Variants in TRMT5 observed in about 807,000 individuals in gnomAD.
TRMT5 encodes tRNA methyltransferase 5.
Under a neutral mutation model 42.2 loss-of-function variants are expected in TRMT5, and 31 were observed. The observed-to-expected ratio is 0.73, with a 90% CI of 0.55 to 0.99. The LOEUF (loss-of-function observed/expected upper bound fraction) is 0.99. Ranked by LOEUF, TRMT5 falls within the 50% of genes least tolerant of loss-of-function variation. The pLI, the probability that TRMT5 is intolerant of heterozygous loss-of-function variation, is 0.00. For synonymous variants in TRMT5, 198 were observed against 209.6 expected, an observed-to-expected ratio of 0.94 and a Z score of 0.48; for missense variants, 568 against 595.0, an observed-to-expected ratio of 0.95 and a Z score of 0.47.
In TRMT5 at chr14:60,973,181, T is replaced by C. The variant is rs1376787803; in HGVS notation, c.*1928A>G. ...ATCGATTGTCAAAATGACTGTACCA[T>C]ATCAAAGTTGTTTTGCCTTGTGTTT... is the stretch of plus-strand genomic sequence containing the variant. On this transcript the variant is annotated 3_prime_UTR_variant, in exon 5 of 5. Transcript: ENST00000261249. 1 of 152,238 alleles carries C rather than the reference T, an allele frequency of 6.6e-6. No homozygotes were observed. The highest frequency in any genetic ancestry group is 2.4e-5 in the African/African-American group (1 of 41,456). 9.4% of individuals were successfully genotyped at this position (152,238 alleles called of 1,614,324 possible).
rs2036972698 is a variant in TRMT5 at position 60,981,078 on chromosome 14, A to G, written c.-105T>C. On this transcript the variant is annotated 5_prime_UTR_variant, in exon 1 of 5. Coordinates refer to ENST00000261249, the MANE Select transcript of TRMT5 (RefSeq NM_020810.3). ...TCGCGGGTGGATGGGCGGGTCTTCTATGACATCATCACTGTTCGCCGCGAA... is the reference window on the plus strand; with the variant it reads ...TCGCGGGTGGATGGGCGGGTCTTCTGTGACATCATCACTGTTCGCCGCGAA... 1 of 1,604,140 alleles carries G rather than the reference A, an allele frequency of 6.2e-7. No individual in the cohort carries two copies. The highest frequency in any genetic ancestry group is 1.3e-5 in the African/African-American group (1 of 74,800).
At position 60,975,813 on chromosome 14, in the gene TRMT5, A is replaced by G; in HGVS notation, c.1106T>C (p.Met369Thr). Residue 369 changes from methionine to threonine, a missense_variant, in exon 4 of 5, where the codon ATG becomes ACG. Transcript: ENST00000261249. ...FLQGPVKEEL[M>T]QLLGLSKERK... ...TTCTTTTGACAGACCCAGCAGCTGC[A>G]TTAACTCTTCTTTGACTGGTCCTTG... is the stretch of plus-strand genomic sequence containing the variant. 5 of 1,614,234 alleles carry G rather than the reference A, an allele frequency of 3.1e-6. No homozygotes were observed. The highest frequency in any genetic ancestry group is 1.1e-5 in the South Asian group (1 of 91,086).
intron 3 of TRMT5, 109 bp from the exon 4 acceptor site, chr14:60,976,235 T>G: frequency 7.8e-7 from 1 of 1,280,388 alleles, no homozygotes; most frequent in Non-Finnish European, 1.1e-6. Context: ...ACATTTAAGT[T>G]TACTACTGTA....
chr14:60,979,370 T>C lies in TRMT5; in HGVS notation c.528A>G (p.Thr176=), dbSNP rs982207544. 3.1e-6 allele frequency: 5 copies of C among 1,614,196 alleles called. No homozygotes were observed. The highest frequency in any genetic ancestry group is 2.2e-5 in the East Asian group (1 of 44,884). ...TTTCTTCTGACTTAAAGTGTTCATA[T>C]GTTAGTTCCAAATTGTATTTAGAGA... ...PQISKYNLEL[T]YEHFKSEEIL... Residue 176 remains threonine (T), a synonymous_variant, in exon 2 of 5, where the codon ACA becomes ACG. Transcript: ENST00000261249.
At position 60,975,062 on chromosome 14, in the gene TRMT5, T is replaced by A. The variant is rs2036823669; in HGVS notation, c.*47A>T. ...ATTTTATTAAATAATACAAATTCTA[T>A]TTCACTACATGTAAGTCTGGTAGGG... On this transcript the variant is annotated 3_prime_UTR_variant, in exon 5 of 5. Transcript: ENST00000261249. 6.9e-7 allele frequency: 1 copy of A among 1,441,658 alleles called. No individual in the cohort carries two copies. Among genetic ancestry groups the A allele is most frequent in the Non-Finnish European group, 9.5e-7 (1 of 1,050,974 alleles). The allele number at this position is 1,441,658 out of a possible 1,614,324, so 89.3% of individuals were successfully genotyped here.
Position 60,975,570 on chromosome 14 carries a change from T to C in TRMT5, c.1349A>G (p.His450Arg). The C allele has an allele frequency of 6.2e-7, 1 of 1,614,222 alleles. No homozygotes were observed. Among genetic ancestry groups the C allele is most frequent in the African/African-American group, 1.3e-5 (1 of 75,060 alleles). Residue 450 changes from histidine to arginine, a missense_variant, in exon 4 of 5, where the codon CAC (histidine) becomes CGC (arginine). Transcript: ENST00000261249. ...GISLEACSSV[H>R]LVRNVAPNKE... ...GTTTGGGGCCACATTTCTTACCAGG[T>C]GAACTGAACTGCATGCCTCCAGAGA...
chr14:60,981,484 A>G (rs1369922027), upstream of TRMT5: 1 of 1,537,736 alleles, frequency 6.5e-7, no homozygotes, highest in Non-Finnish European at 8.7e-7. Context: ...GGGACAGGGG[A>G]GATGCTGGAG....
In TRMT5 at chr14:60,976,112, G is replaced by C; in HGVS notation, c.807C>G (p.Asn269Lys). 6.2e-7 allele frequency: 1 copy of C among 1,603,526 alleles called. No homozygotes were observed. Among genetic ancestry groups the C allele is most frequent in the Non-Finnish European group, 8.5e-7 (1 of 1,175,084 alleles). Residue 269 changes from asparagine to lysine, a missense_variant, in exon 4 of 5, where the codon AAC (asparagine) becomes AAG (lysine). Coordinates refer to ENST00000261249, the MANE Select transcript of TRMT5 (RefSeq NM_020810.3). ...TTGAAAAATCAAATTCATAGGTGTA[G>C]TTGTTTTCTCGAACCTGAAAAAAGG... ...QNMMTKVRENNYTYEFDFSKV... is the reference protein window; with the variant it reads ...QNMMTKVRENKYTYEFDFSKV...
intron 2 of TRMT5, 40 bp downstream of exon 2, chr14:60,979,191 A>G (rs781523863): frequency 5.3e-6 from 8 of 1,505,086 alleles, no homozygotes; most frequent in Non-Finnish European, 7.1e-6. Context: ...CAATTTGCAA[A>G]TTCCCTTCAA....
chr14:60,977,311 T>C (rs1566590199), intron 3 of TRMT5, among the ~76,000 whole-genome samples: 1 of 152,200 alleles, frequency 6.6e-6, no homozygotes, highest in Admixed American at 6.5e-5. Flanking sequence ...GATGGAAATA[T>C]TCCATTGTAT....
chr14:60,979,669 A>G lies in TRMT5; in HGVS notation c.229T>C (p.Ser77Pro). Residue 77 changes from serine (S) to proline (P), a missense_variant, in exon 2 of 5, where the codon TCT becomes CCT. Physicochemically the swap from Ser to Pro is moderately conservative, Grantham distance 74 (BLOSUM62 -1). Coordinates refer to ENST00000261249, the MANE Select transcript of TRMT5 (RefSeq NM_020810.3). ...ERETELFSPP[S>P]DVRGMTKLDR... ...AGTTTTGTCATGCCTCGGACATCAG[A>G]AGGTGGTGAAAACAATTCAGTCTCT... 2 of 1,614,080 alleles carry G rather than the reference A, an allele frequency of 1.2e-6. No homozygotes were observed.
rs186026422 is a variant in TRMT5, at chr14:60,972,228, T to G, written c.*2881A>C. 2.5e-3 allele frequency: 1,325 copies of G among 520,538 alleles called. 3 individuals are homozygous for G. The highest frequency in any genetic ancestry group is 4.0e-3 in the Non-Finnish European group (1,052 of 262,834). 32.2% of individuals were successfully genotyped at this position (520,538 alleles called of 1,614,324 possible). The stretch of plus-strand genomic sequence containing the variant: ...TGTACAGTCACCAGAAGTACAGTTA[T>G]AAAAAATGCACACACTTCACTTGGG... On this transcript the variant is annotated 3_prime_UTR_variant, in exon 5 of 5. Transcript: ENST00000261249.
rs373914199 is a variant in TRMT5, at chr14:60,981,014, G to C, written c.-41C>G. 9 of 1,611,270 alleles carry C rather than the reference G, an allele frequency of 5.6e-6. No homozygotes were observed. The highest frequency in any genetic ancestry group is 3.3e-5 in the Admixed American group (2 of 60,022). On this transcript the variant is annotated 5_prime_UTR_variant, in exon 1 of 5. Transcript: ENST00000261249. ...CGCTCTGCAGCTGGATCCGCGAGCC[G>C]ACCCCTCACCTCCCGCTCCGGTACC... is the stretch of plus-strand genomic sequence containing the variant.
At position 60,977,558 on chromosome 14, in the gene TRMT5, A is replaced by G; in HGVS notation, c.748T>C (p.Phe250Leu). 1.9e-6 allele frequency: 3 copies of G among 1,611,292 alleles called. No homozygotes were observed. The highest frequency in any genetic ancestry group is 2.5e-6 in the Non-Finnish European group (3 of 1,178,578). Reference protein sequence around the residue: ...INNIDNMYRNFQMEVLSGEQN... With the variant: ...INNIDNMYRNLQMEVLSGEQN... The stretch of plus-strand genomic sequence containing the variant: ...TCTCCAGATAGCACTTCCATTTGGA[A>G]ATTTCGGTACATATTGTCAATATTA... The change falls in exon 3 of 5, where the codon TTC (phenylalanine) becomes CTC (leucine). Residue 250 changes from phenylalanine (F) to leucine (L), a missense_variant. By Grantham distance (22) the Phe-to-Leu change is conservative (BLOSUM62 0). Coordinates refer to ENST00000261249, the MANE Select transcript of TRMT5 (RefSeq NM_020810.3).
Position 60,977,375 on chromosome 14 carries a change from C to T in TRMT5, c.792+139G>A, listed in dbSNP as rs576509052. 5 of 720,526 alleles carry T rather than the reference C, an allele frequency of 6.9e-6. No homozygotes were observed. The Admixed American group carries it at 1.7e-4, about 25-fold the overall frequency. 44.6% of individuals were successfully genotyped at this position (720,526 alleles called of 1,614,324 possible). On this transcript the variant is annotated intron_variant, in intron 3 of 4. Transcript: ENST00000261249. ...TGAAAAGGCTTTATCAGTGTTATTC[C>T]ATCAATAGCATACATAAGTGATCAC... is the stretch of plus-strand genomic sequence containing the variant.
At chr14:60,976,219 A>C (rs2036845023) in intron 3 of TRMT5, 93 bp from the exon 4 acceptor site, 8 of 1,398,470 alleles carry the variant, frequency 5.7e-6, no homozygotes, top group Non-Finnish European at 7.7e-6. Flanking sequence ...ACAGGCAAAC[A>C]CATACACATT....
At chr14:60,979,962 C>A in intron 1 of TRMT5, 76 bp from the exon 2 acceptor site, 1 of 1,427,906 alleles carries the variant, frequency 7.0e-7, no homozygotes, top group Non-Finnish European at 9.3e-7. Context: ...TCTCAAATAA[C>A]GGGCTAAATG....
chr14:60,981,054 C>T lies in TRMT5; in HGVS notation c.-81G>A, dbSNP rs555575771. On this transcript the variant is annotated 5_prime_UTR_variant, in exon 1 of 5. Transcript: ENST00000261249. ...GCTCCGGTACCGATCGGATGTGGGTCGCGGGTGGATGGGCGGGTCTTCTAT... is the reference window on the plus strand; with the variant it reads ...GCTCCGGTACCGATCGGATGTGGGTTGCGGGTGGATGGGCGGGTCTTCTAT... 7 of 1,608,400 alleles carry T rather than the reference C, an allele frequency of 4.4e-6. No individual in the cohort carries two copies. The East Asian group carries it at 6.7e-5, about 15-fold the overall frequency.
At position 60,979,709 on chromosome 14, in the gene TRMT5, T is replaced by C. The variant is rs767491129; in HGVS notation, c.189A>G (p.Thr63=). 1 of 1,614,070 alleles carries C rather than the reference T, an allele frequency of 6.2e-7. No homozygotes were observed. The highest frequency in any genetic ancestry group is 8.5e-7 in the Non-Finnish European group (1 of 1,180,028). ...ATTCAGTCTCTCTCTCATGTGTTTC[T>C]GTTTCTGGCATGGTTGAGAATCTTT... is the stretch of plus-strand genomic sequence containing the variant. ...QRKRFSTMPE[T]ETHERETELF... is the part of the protein sequence containing the mutation. The change falls in exon 2 of 5, where the codon ACA becomes ACG. Residue 63 remains threonine, a synonymous_variant. Coordinates refer to ENST00000261249, the MANE Select transcript of TRMT5 (RefSeq NM_020810.3).
Sources: allele counts gnomAD v4.1 joint callset (sites outside exome capture counted in the v4.1 genomes callset), GRCh38; gene constraint gnomAD v4.1.1; transcripts MANE v1.5; gene names NCBI Gene and HGNC (gene_info 2026-07-23, HGNC 2026-07-21).